Variants in CDH18 observed in about 807,000 individuals in gnomAD.
The protein encoded by CDH18 is cadherin-18.
In CDH18, 31 loss-of-function variants were observed where a neutral mutation model predicts 67.9. That is an observed-to-expected ratio of 0.46 (90% CI 0.34 to 0.62). The LOEUF is 0.62. Ranked by LOEUF, CDH18 falls within the 20% of genes least tolerant of loss-of-function variation. The pLI, the probability that CDH18 is intolerant of heterozygous loss-of-function variation, is 0.01. For synonymous variants in CDH18, 362 were observed against 347.2 expected (o/e 1.04, Z -0.48); for missense variants, 890 against 975.5 (o/e 0.91, Z 1.17).
intron 5 of CDH18, among the ~76,000 whole-genome samples, chr5:19,693,337 T>C (rs547004845): frequency 1.1e-3 from 170 of 152,310 alleles, no homozygotes; most frequent in Non-Finnish European, 1.9e-3. Flanking sequence ...TTAGAAATTA[T>C]GTGAAAGAAT....
At chr5:19,898,815 T>C (rs1258314667) in intron 2 of CDH18, among the ~76,000 whole-genome samples, 2 of 152,014 alleles carry the variant, frequency 1.3e-5, no homozygotes, top group Non-Finnish European at 2.9e-5. Context: ...TGGGGATACA[T>C]TAAACTTAAA....
intron 5 of CDH18, among the ~76,000 whole-genome samples, chr5:19,710,699 A>C (rs908144889): frequency 6.6e-6 from 1 of 152,108 alleles, no homozygotes; most frequent in Non-Finnish European, 1.5e-5. Flanking sequence ...AAATATTACT[A>C]ATATTTATTT....
intron 8 of CDH18, among the ~76,000 whole-genome samples, chr5:19,565,670 T>C (rs1740259785): frequency 6.6e-6 from 1 of 152,216 alleles, no homozygotes; most frequent in African/African-American, 2.4e-5. Flanking sequence ...CATATCCATA[T>C]ACACATAATT....
chr5:19,754,067 C>T (rs1222583753), intron 3 of CDH18, among the ~76,000 whole-genome samples: 1 of 151,912 alleles, frequency 6.6e-6, no homozygotes, highest in Non-Finnish European at 1.5e-5. Flanking sequence ...CAAAATAGAA[C>T]TTAAAAACCA....
At chr5:19,775,231 A>G (rs552237656) in intron 3 of CDH18, among the ~76,000 whole-genome samples, 1 of 152,326 alleles carries the variant, frequency 6.6e-6, no homozygotes, top group South Asian at 2.1e-4. Flanking sequence ...CGCTACCAAC[A>G]TTGGAGAAAG....
chr5:20,277,194 G>A (rs1487005495), intron 1 of CDH18, among the ~76,000 whole-genome samples: 1 of 152,058 alleles, frequency 6.6e-6, no homozygotes, highest in African/African-American at 2.4e-5. Flanking sequence ...GCAGGCCTTC[G>A]GTGAGAACCA....
chr5:19,539,930 CA>C (rs1749985673), intron 9 of CDH18, among the ~76,000 whole-genome samples: 1 of 152,104 alleles, frequency 6.6e-6, no homozygotes. Flanking sequence ...CTCATGTCAT[CA>C]CATTTCAAAA....
intron 2 of CDH18, among the ~76,000 whole-genome samples, chr5:20,003,145 G>T (rs1477709366): frequency 6.6e-6 from 1 of 152,132 alleles, no homozygotes; most frequent in South Asian, 2.1e-4. Context: ...GATGTGAAAA[G>T]ATAAGTGTGT....
chr5:19,894,764 C>G (rs1448303698), intron 2 of CDH18, among the ~76,000 whole-genome samples: 1 of 152,070 alleles, frequency 6.6e-6, no homozygotes, highest in African/African-American at 2.4e-5. Context: ...CATTTGACCT[C>G]TGAACATTTC....
At chr5:20,456,825 T>C (rs1052214925) in intron 1 of CDH18, among the ~76,000 whole-genome samples, 26 of 152,156 alleles carry the variant, frequency 1.7e-4, no homozygotes, top group African/African-American at 6.3e-4. Flanking sequence ...CCTAGATTTT[T>C]TGTAGTAGAG....
chr5:19,770,427 G>A (rs867691926), intron 3 of CDH18, among the ~76,000 whole-genome samples: 38 of 152,194 alleles, frequency 2.5e-4, no homozygotes, highest in Admixed American at 7.8e-4. Context: ...GTCCAAAAAT[G>A]TATCCCCACA....
chr5:20,453,388 G>T (rs2150210276), intron 1 of CDH18, among the ~76,000 whole-genome samples: 1 of 152,028 alleles, frequency 6.6e-6, no homozygotes, highest in South Asian at 2.1e-4. Context: ...TGCCTGATAG[G>T]GCAACTAACA....
chr5:19,731,133 G>A (rs1022127248), intron 4 of CDH18, among the ~76,000 whole-genome samples: 115 of 152,128 alleles, frequency 7.6e-4, no homozygotes, highest in African/African-American at 2.7e-3. Context: ...TCATCATATA[G>A]GCACTTCTCT....
At chr5:20,425,571 A>G (rs1748239812) in intron 1 of CDH18, among the ~76,000 whole-genome samples, 1 of 151,110 alleles carries the variant, frequency 6.6e-6, no homozygotes, top group Admixed American at 6.6e-5. Context: ...AGATAGTTCC[A>G]TATAACACAT....
intron 3 of CDH18, among the ~76,000 whole-genome samples, chr5:19,833,354 G>A (rs1047923534): frequency 1.3e-5 from 2 of 151,982 alleles, no homozygotes; most frequent in Non-Finnish European, 2.9e-5. Flanking sequence ...TGCTTGTGAT[G>A]TTTGCATATC....
At chr5:19,716,158 C>T (rs1316564029) in intron 5 of CDH18, among the ~76,000 whole-genome samples, 1 of 151,928 alleles carries the variant, frequency 6.6e-6, no homozygotes, top group East Asian at 1.9e-4. Flanking sequence ...TAACTTGAGT[C>T]CTATATTTTT....
chr5:19,516,532 TTATTGGTC>T (rs1262612018), intron 10 of CDH18, among the ~76,000 whole-genome samples: 4 of 152,168 alleles, frequency 2.6e-5, no homozygotes, highest in African/African-American at 7.2e-5. Context: ...TCAGAGGCTG[TTATTGGTC>T]TATTCAGCGA....
At chr5:19,654,355 T>G (rs565954060) in intron 5 of CDH18, among the ~76,000 whole-genome samples, 1 of 152,326 alleles carries the variant, frequency 6.6e-6, no homozygotes, top group Admixed American at 6.5e-5. Flanking sequence ...TACAATATGT[T>G]ATATGCCAAT....
At chr5:20,162,378 A>C (rs1038599914) in intron 2 of CDH18, among the ~76,000 whole-genome samples, 5 of 149,142 alleles carry the variant, frequency 3.4e-5, no homozygotes, top group African/African-American at 1.2e-4. Context: ...ATTTCAAACA[A>C]ATTTTATTAG....
Sources: allele counts gnomAD v4.1 joint callset (sites outside exome capture counted in the v4.1 genomes callset), GRCh38; gene constraint gnomAD v4.1.1; transcripts MANE v1.5; gene names NCBI Gene and HGNC (gene_info 2026-07-23, HGNC 2026-07-21).